ASIC4: variants seen among roughly 807,000 people sequenced by gnomAD.
The protein encoded by ASIC4 is acid sensing ion channel subunit family member 4, also known as acid-sensing ion channel 4.
Under a neutral mutation model 53.4 loss-of-function variants are expected in ASIC4, and 28 were observed. That is an observed-to-expected ratio of 0.52 (90% CI 0.39 to 0.72). ASIC4 has a LOEUF of 0.72. Ranked by LOEUF, ASIC4 falls within the 30% of genes least tolerant of loss-of-function variation. ASIC4 has a pLI of 0.00. For synonymous variants in ASIC4, 289 were observed against 301.4 expected, an observed-to-expected ratio of 0.96 and a Z score of 0.43; for missense variants, 649 against 729.7, an observed-to-expected ratio of 0.89 and a Z score of 1.27.
intron 1 of ASIC4, among the ~76,000 whole-genome samples, chr2:219,530,265 C>T (rs1312798913): frequency 6.6e-6 from 1 of 152,240 alleles, no homozygotes; most frequent in Non-Finnish European, 1.5e-5. Flanking sequence ...TCAGCCTGTT[C>T]TCCACCCCTG....
At position 219,537,477 on chromosome 2, in the gene ASIC4, A is replaced by G. The variant is rs773723604; in HGVS notation, c.1402-155A>G. On this transcript the variant is annotated intron_variant, in intron 8 of 9. Transcript: ENST00000358078. The surrounding 1 kb of genome is among the most constrained non-coding windows in gnomAD (Gnocchi z 4.9). ...CTGGCTGGCAGGCCTGAGGGCTCAG[A>G]GTCAGGAGAAGGGGATGGGTGAGGA... 1 of 1,073,962 alleles carries G rather than the reference A, an allele frequency of 9.3e-7. No homozygotes were observed. Among genetic ancestry groups the G allele is most frequent in the Non-Finnish European group, 1.4e-6 (1 of 734,444 alleles). 66.5% of individuals were successfully genotyped at this position (1,073,962 alleles called of 1,614,324 possible).
At chr2:219,520,315 C>G (rs2125658405) in intron 1 of ASIC4, among the ~76,000 whole-genome samples, 1 of 152,276 alleles carries the variant, frequency 6.6e-6, no homozygotes, top group South Asian at 2.1e-4. Context: ...TCTCCCTGCC[C>G]CACCCAGCCG....
intron 1 of ASIC4, among the ~76,000 whole-genome samples, chr2:219,528,361 C>G (rs1257674035): frequency 1.3e-5 from 2 of 148,820 alleles, no homozygotes; most frequent in Admixed American, 1.3e-4. Flanking sequence ...GTAGCTGGAA[C>G]TACAGGAGCC....
intron 1 of ASIC4, among the ~76,000 whole-genome samples, chr2:219,523,733 T>C (rs143839191): frequency 6.6e-6 from 1 of 152,176 alleles, no homozygotes; most frequent in African/African-American, 2.4e-5. Context: ...GGATCACAAC[T>C]AGTAACAATT....
the ASIC4 span, among the ~76,000 whole-genome samples, chr2:219,507,362 T>C: frequency 1.3e-5 from 2 of 152,316 alleles, no homozygotes; most frequent in East Asian, 3.9e-4. Context: ...CACAGCCCGC[T>C]CTGCTCGGTT....
rs869106424 is a variant in ASIC4 at position 219,535,772 on chromosome 2, CT to C, written c.1229+466del. ...CCTTCATAGCTCTATTCTTCTCCTT[CT>C]TTTTTTTTTTTTTTTTTGAGACAGA... On this transcript the variant is annotated intron_variant, in intron 6 of 9. Coordinates refer to ENST00000358078, the MANE Select transcript of ASIC4 (RefSeq NM_018674.6). Among the ~76,000 whole-genome samples the C allele has an allele frequency of 6.0e-3, 775 of 128,694 alleles. 3 individuals are homozygous for C. The highest frequency in any genetic ancestry group is 0.016 in the African/African-American group (547 of 34,272). The allele number at this position is 128,694 out of a possible 152,430, so 84.4% of individuals were successfully genotyped here.
intron 1 of ASIC4, among the ~76,000 whole-genome samples, chr2:219,523,069 C>T (rs1694913461): frequency 6.6e-6 from 1 of 151,710 alleles, no homozygotes; most frequent in Admixed American, 6.6e-5. Flanking sequence ...CGCACACCCA[C>T]CCACCCACCG....
chr2:219,525,505 T>C (rs1281752280), intron 1 of ASIC4, among the ~76,000 whole-genome samples: 1 of 152,196 alleles, frequency 6.6e-6, no homozygotes, highest in Non-Finnish European at 1.5e-5. Context: ...TCTGCACCTG[T>C]TTTCTGCATG....
At chr2:219,511,392 GC>G (rs34899959), upstream of ASIC4, among the ~76,000 whole-genome samples, 2,608 of 139,768 alleles carry the variant, frequency 0.019, 34 homozygotes, top group Non-Finnish European at 0.028. The surrounding 1 kb of genome is among the most constrained non-coding windows in gnomAD (Gnocchi z 5.3). Flanking sequence ...TGCATGCACT[GC>G]CCCCCCCCCA....
Position 219,537,107 on chromosome 2 carries a change from C to T in ASIC4, c.1271C>T (p.Thr424Ile). 1.2e-6 allele frequency: 2 copies of T among 1,614,164 alleles called. No individual in the cohort carries two copies. The highest frequency in any genetic ancestry group is 8.5e-7 in the Non-Finnish European group (1 of 1,180,016). ...CTAGATGTCTTCTTTGAGGCCCTGA[C>T]CTCTGAAGCCATGGAGCAGCGAGCA... ...LVLDVFFEAL[T>I]SEAMEQRAAY... The change falls in exon 7 of 10, where the codon ACC becomes ATC. Residue 424 changes from threonine to isoleucine, a missense_variant. Physicochemically the swap from Thr to Ile is moderately conservative, Grantham distance 89. Transcript: ENST00000358078. The surrounding 1 kb of genome is among the most constrained non-coding windows in gnomAD (Gnocchi z 4.9).
At chr2:219,507,170 A>G in the ASIC4 span, among the ~76,000 whole-genome samples, 1 of 152,124 alleles carries the variant, frequency 6.6e-6, no homozygotes, top group African/African-American at 2.4e-5. Context: ...CTCGGGAGGA[A>G]GGCCCTCTAG....
upstream of ASIC4, among the ~76,000 whole-genome samples, chr2:219,511,575 C>G (rs985457914): frequency 6.6e-6 from 1 of 152,148 alleles, no homozygotes; most frequent in African/African-American, 2.4e-5. The surrounding 1 kb of genome is among the most constrained non-coding windows in gnomAD (Gnocchi z 5.3). Context: ...ATTCTGACCC[C>G]GCAACACCCA....
At position 219,537,464 on chromosome 2, in the gene ASIC4, C is replaced by T. The variant is rs1291067356; in HGVS notation, c.1401+143C>T. Reference sequence around the variant, plus strand: ...CAGGGTCCCCTGACTGGCTGGCAGGCCTGAGGGCTCAGAGTCAGGAGAAGG... The same window carrying T: ...CAGGGTCCCCTGACTGGCTGGCAGGTCTGAGGGCTCAGAGTCAGGAGAAGG... On this transcript the variant is annotated intron_variant, in intron 8 of 9. Transcript: ENST00000358078. This position sits in a 1 kb window ranked among gnomAD's most constrained non-coding sequence, Gnocchi z 4.9. 1.1e-5 allele frequency: 13 copies of T among 1,134,472 alleles called. No homozygotes were observed. The highest frequency in any genetic ancestry group is 1.5e-5 in the Non-Finnish European group (12 of 787,058). The allele number at this position is 1,134,472 out of a possible 1,614,324, so 70.3% of individuals were successfully genotyped here.
At chr2:219,533,282 A>G (rs1435154898) in intron 5 of ASIC4, 3 of 428,654 alleles carry the variant, frequency 7.0e-6, no homozygotes, top group Non-Finnish European at 1.3e-5. Flanking sequence ...ATTGCTGGCT[A>G]TCGGTGTGGG....
chr2:219,521,730 AAGTTATAAGTATTCCTG>A (rs1246913193), intron 1 of ASIC4, among the ~76,000 whole-genome samples: 2 of 42,188 alleles, frequency 4.7e-5, no homozygotes. Flanking sequence ...TCTGAGTTAT[AAGTTATAAGTATTCCTG>A]AGTTATAAGT....
In ASIC4 at chr2:219,535,588, T is replaced by C. The variant is rs551549729; in HGVS notation, c.1229+264T>C. On this transcript the variant is annotated intron_variant, in intron 6 of 9. Transcript: ENST00000358078. ...GTGTGCATGCACACTTATGAGTGTA[T>C]GTATCTGTGAATGGGTATGTGTGTG... Among the ~76,000 whole-genome samples the C allele has an allele frequency of 1.2e-4, 18 of 151,354 alleles. No individual in the cohort carries two copies. The East Asian group carries it at 3.1e-3, about 26-fold the overall frequency.
At chr2:219,532,975 G>A (rs770124188) in intron 5 of ASIC4, 36 bp downstream of exon 5, 22 of 1,588,734 alleles carry the variant, frequency 1.4e-5, no homozygotes, top group African/African-American at 4.0e-5. Flanking sequence ...CTCTCCATCA[G>A]CCTCTTCATG....
In ASIC4 at chr2:219,533,151, G is replaced by C; in HGVS notation, c.1075+212G>C. 3 of 609,246 alleles carry C rather than the reference G, an allele frequency of 4.9e-6. No individual in the cohort carries two copies. The South Asian group carries it at 5.7e-5, about 12-fold the overall frequency. 37.7% of individuals were successfully genotyped at this position (609,246 alleles called of 1,614,324 possible). A position where few individuals can be genotyped will look rare whatever the true frequency, so the allele number is the denominator to read the frequency against. ...TTGGGTAAGTGGAGGCAGCAGGGTG[G>C]GGGGTTGCAGAGAAGCCAGGACTGG... is the stretch of plus-strand genomic sequence containing the variant. On this transcript the variant is annotated intron_variant, in intron 5 of 9. Coordinates refer to ENST00000358078, the MANE Select transcript of ASIC4 (RefSeq NM_018674.6).
At position 219,537,913 on chromosome 2, in the gene ASIC4, CTCTT is replaced by C; in HGVS notation, c.1507-18_1507-15del. 1 of 1,581,330 alleles carries C rather than the reference CTCTT, an allele frequency of 6.3e-7. No homozygotes were observed. Among genetic ancestry groups the C allele is most frequent in the Non-Finnish European group, 8.6e-7 (1 of 1,160,266 alleles). On this transcript the variant is annotated splice_polypyrimidine_tract_variant and intron_variant, in intron 9 of 9. Coordinates refer to ENST00000358078, the MANE Select transcript of ASIC4 (RefSeq NM_018674.6). This position sits in a 1 kb window ranked among gnomAD's most constrained non-coding sequence, Gnocchi z 4.9. ...ACTTGAGCTCTCCCGGTCCCACTCTCTCTTTTCTTTCTCCTGCAGAGTCCCTGCC... is the reference window on the plus strand; with the variant it reads ...ACTTGAGCTCTCCCGGTCCCACTCTCTTCTTTCTCCTGCAGAGTCCCTGCC...
Sources: gnomAD v4.1 joint callset for allele counts (sites outside exome capture counted in the v4.1 genomes callset) on GRCh38, gnomAD v4.1.1 for gene constraint, Gnocchi (gnomAD v3.1) non-coding constraint, MANE v1.5 for transcripts, NCBI Gene and HGNC (gene_info 2026-07-23, HGNC 2026-07-21) for gene names.